SLC2A5: variants seen among roughly 807,000 people sequenced by gnomAD.
SLC2A5 encodes the protein solute carrier family 2 member 5.
In SLC2A5, 56 loss-of-function variants were observed where a neutral mutation model predicts 50.3. The ratio of observed to expected loss-of-function variants is 1.11; its 90% CI spans 0.90 to 1.39. The LOEUF is 1.39. Among genes scored for constraint, SLC2A5 ranks in the 40% most tolerant of loss-of-function variants. The probability of loss-of-function intolerance (pLI) is 0.00; values close to 1 mark genes in which losing one functional copy is unlikely to be tolerated. For missense variants in SLC2A5, 566 were observed against 650.1 expected (o/e 0.87, Z 1.41); for synonymous variants, 269 against 281.9 (o/e 0.95, Z 0.46).
intron 2 of SLC2A5, among the ~76,000 whole-genome samples, chr1:9,079,567 C>A (rs191226645): frequency 2.6e-5 from 4 of 152,320 alleles, no homozygotes; most frequent in African/African-American, 7.2e-5. Flanking sequence ...CTCCCTGCAA[C>A]ATTTGCCTCC....
intron 3 of SLC2A5, among the ~76,000 whole-genome samples, chr1:9,051,917 G>C (rs866858800): frequency 6.6e-6 from 1 of 152,186 alleles, no homozygotes; most frequent in Non-Finnish European, 1.5e-5. Context: ...AACCGATAAA[G>C]TGTGGTACAA....
At chr1:9,082,851 G>A (rs189331815) in intron 2 of SLC2A5, 10 of 375,654 alleles carry the variant, frequency 2.7e-5, no homozygotes, top group Middle Eastern at 7.0e-4. Context: ...GCAGCAGTTC[G>A]ATGATCATGT....
rs552341493 is a variant in SLC2A5 at position 9,041,392 on chromosome 1, G to A, written c.571+393C>T. ...GTCTGCAAAATGGGATAATCACTGA[G>A]TCCCAGGCAGCAGCGTTGCTGGGAG... On this transcript the variant is annotated intron_variant, in intron 5 of 11. Coordinates refer to ENST00000377424, the MANE Select transcript of SLC2A5 (RefSeq NM_003039.3). The A allele has an allele frequency of 7.0e-6, 7 of 1,005,630 alleles. No homozygotes were observed. The African/African-American group carries it at 1.2e-4, about 17-fold the overall frequency. 62.3% of individuals were successfully genotyped at this position (1,005,630 alleles called of 1,614,324 possible). A position where few individuals can be genotyped will look rare whatever the true frequency, so the allele number is the denominator to read the frequency against.
chr1:9,035,154 A>G lies in SLC2A5; in HGVS notation c.*2432T>C, dbSNP rs574803552. The G allele has an allele frequency of 3.3e-5, 5 of 152,372 alleles. No homozygotes were observed. The East Asian group carries it at 9.6e-4, about 29-fold the overall frequency. The allele number at this position is 152,372 out of a possible 1,614,324, so 9.4% of individuals were successfully genotyped here. A position where few individuals can be genotyped will look rare whatever the true frequency, so the allele number is the denominator to read the frequency against. On this transcript the variant is annotated 3_prime_UTR_variant, in exon 12 of 12. Coordinates refer to ENST00000377424, the MANE Select transcript of SLC2A5 (RefSeq NM_003039.3). ...ATGTGAGACATTTACTATTAGTGCC[A>G]TTTAACAGAAGAGAAGACTGAGATA...
Position 9,045,646 on chromosome 1 carries a change from G to A in SLC2A5, c.418+1964C>T, listed in dbSNP as rs547276213. On this transcript the variant is annotated intron_variant, in intron 4 of 11. Transcript: ENST00000377424. ...CTCACGCCTGTAATCCCAGCATTTC[G>A]GGAGGCTGAGGTCAGGAGTTTGAGA... Among the ~76,000 whole-genome samples the A allele has an allele frequency of 3.9e-5, 6 of 152,122 alleles. No individual in the cohort carries two copies. In the South Asian group the frequency reaches 8.3e-4, roughly 21 times the overall value.
intron 1 of SLC2A5, among the ~76,000 whole-genome samples, chr1:9,064,338 G>A (rs565444706): frequency 3.3e-5 from 5 of 151,952 alleles, no homozygotes; most frequent in South Asian, 2.1e-4. Flanking sequence ...GAGGATGTGC[G>A]GGTCTCTGGC....
chr1:9,052,940 T>G (rs1641614065), intron 3 of SLC2A5, among the ~76,000 whole-genome samples: 1 of 139,610 alleles, frequency 7.2e-6, no homozygotes, highest in African/African-American at 2.8e-5. Flanking sequence ...CACTCCAGCC[T>G]GGGCGACAGA....
chr1:9,084,727 A>C (rs1376652535), intron 2 of SLC2A5, among the ~76,000 whole-genome samples: 4 of 152,152 alleles, frequency 2.6e-5, no homozygotes, highest in African/African-American at 9.7e-5. Flanking sequence ...CAGCCACACC[A>C]TGTGAGCATC....
At chr1:9,038,155 G>A (rs962877459) in intron 10 of SLC2A5, 131 bp from the exon 11 acceptor site, 24 of 1,094,582 alleles carry the variant, frequency 2.2e-5, no homozygotes, top group South Asian at 7.9e-5. Flanking sequence ...ATGTGGGGCA[G>A]CACGTAGGGG....
At chr1:9,073,636 G>A (rs1236594053), upstream of SLC2A5, among the ~76,000 whole-genome samples, 7 of 152,158 alleles carry the variant, frequency 4.6e-5, no homozygotes, top group African/African-American at 1.7e-4. Flanking sequence ...GTTTCTCACT[G>A]GTAGAACTAT....
At chr1:9,046,401 C>G (rs1434611564) in intron 4 of SLC2A5, among the ~76,000 whole-genome samples, 1 of 152,134 alleles carries the variant, frequency 6.6e-6, no homozygotes, top group East Asian at 1.9e-4. Context: ...TTGGAAGCAA[C>G]AGAGTGGGAT....
At chr1:9,081,229 C>T (rs1282635183) in intron 2 of SLC2A5, among the ~76,000 whole-genome samples, 2 of 138,594 alleles carry the variant, frequency 1.4e-5, no homozygotes, top group Non-Finnish European at 3.1e-5. Flanking sequence ...CACTGCACTC[C>T]AGGCCGGGAA....
intron 2 of SLC2A5, among the ~76,000 whole-genome samples, chr1:9,084,017 G>C (rs780803353): frequency 6.6e-6 from 1 of 151,976 alleles, no homozygotes; most frequent in African/African-American, 2.4e-5. Context: ...GGTGGCGGGC[G>C]CCTGTAGTCC....
chr1:9,038,173 G>T, intron 10 of SLC2A5, 149 bp from the exon 11 acceptor site: 1 of 918,792 alleles, frequency 1.1e-6, no homozygotes, highest in Non-Finnish European at 1.6e-6. Context: ...GGGGCAAACG[G>T]CAGTGTACAG....
At chr1:9,069,216 A>G (rs1298463240) in intron 1 of SLC2A5, among the ~76,000 whole-genome samples, 2 of 152,232 alleles carry the variant, frequency 1.3e-5, no homozygotes, top group African/African-American at 4.8e-5. Context: ...TGTTTGGTTC[A>G]AGTTGGGACA....
At chr1:9,071,201 G>A (rs1243908693), upstream of SLC2A5, among the ~76,000 whole-genome samples, 1 of 152,154 alleles carries the variant, frequency 6.6e-6, no homozygotes, top group Non-Finnish European at 1.5e-5. Context: ...CCTGAGGTCA[G>A]GAGTTCGAGA....
chr1:9,051,122 C>T (rs1051549259), intron 3 of SLC2A5, among the ~76,000 whole-genome samples: 4 of 151,690 alleles, frequency 2.6e-5, no homozygotes, highest in African/African-American at 7.3e-5. Context: ...TACACCCCTC[C>T]TGAGCAATTG....
At chr1:9,075,960 A>ATTT (rs35070638) in intron 2 of SLC2A5, among the ~76,000 whole-genome samples, 12 of 122,198 alleles carry the variant, frequency 9.8e-5, no homozygotes, top group South Asian at 5.0e-4. Flanking sequence ...CGCGCCCGGC[A>ATTT]TTTTTTTTTT....
intron 1 of SLC2A5, among the ~76,000 whole-genome samples, chr1:9,067,490 G>A (rs1432717762): frequency 6.6e-6 from 1 of 152,210 alleles, no homozygotes; most frequent in Non-Finnish European, 1.5e-5. Context: ...GTGGACGTGG[G>A]GAACGTGGCA....
Sources: allele counts gnomAD v4.1 joint callset (sites outside exome capture counted in the v4.1 genomes callset), GRCh38; gene constraint gnomAD v4.1.1; transcripts MANE v1.5; gene names NCBI Gene and HGNC (gene_info 2026-07-23, HGNC 2026-07-21).